Variants in GPC6 observed in about 807,000 individuals in gnomAD.
GPC6 encodes glypican 6, also known as glypican-6.
Under a neutral mutation model 55.2 loss-of-function variants are expected in GPC6, and 14 were observed. The ratio of observed to expected loss-of-function variants is 0.25; its 90% CI spans 0.17 to 0.40. The LOEUF is 0.40. Among genes scored for constraint, GPC6 ranks in the 10% least tolerant of loss-of-function variants. GPC6 has a pLI of 1.00. For synonymous variants in GPC6, 278 were observed against 259.6 expected, an observed-to-expected ratio of 1.07 and a Z score of -0.68; for missense variants, 641 against 708.5, an observed-to-expected ratio of 0.90 and a Z score of 1.08.
At chr13:93,356,178 A>G (rs562150085) in intron 1 of GPC6, among the ~76,000 whole-genome samples, 2 of 152,366 alleles carry the variant, frequency 1.3e-5, no homozygotes, top group East Asian at 3.9e-4. Context: ...TTGCAAGATA[A>G]TAAACGGAGC....
chr13:93,653,231 A>T (rs532545192), intron 2 of GPC6, among the ~76,000 whole-genome samples: 68 of 152,194 alleles, frequency 4.5e-4, no homozygotes, highest in Admixed American at 1.2e-3. Context: ...TCAATATCAT[A>T]TGCAAGTTTC....
At position 94,357,936 on chromosome 13, in the gene GPC6, G is replaced by A. The variant is rs150956300; in HGVS notation, c.1153-24478G>A. Among the ~76,000 whole-genome samples, 8 of 152,230 alleles carry A rather than the reference G, an allele frequency of 5.3e-5. 1 individual carries two copies. The highest frequency in any genetic ancestry group is 1.3e-4 in the Admixed American group (2 of 15,300). On this transcript the variant is annotated intron_variant, in intron 6 of 8. Coordinates refer to ENST00000377047, the MANE Select transcript of GPC6 (RefSeq NM_005708.5). The stretch of plus-strand genomic sequence containing the variant: ...TCTTTGTAGCCCCAATGCCTAATGC[G>A]GTATCTTGCACAGAGAAAACCCTTA...
rs974046657 is a variant in GPC6, at chr13:93,845,775, T to C, written c.711+15230T>C. ...GTATATTCTCACTCATAGGTGGGAA[T>C]TGAACAATGAGATCACGTGGACACA... On this transcript the variant is annotated intron_variant, in intron 3 of 8. Coordinates refer to ENST00000377047, the MANE Select transcript of GPC6 (RefSeq NM_005708.5). Among the ~76,000 whole-genome samples, 52 of 144,998 alleles carry C rather than the reference T, an allele frequency of 3.6e-4. 1 individual carries two copies. The highest frequency in any genetic ancestry group is 4.5e-5 in the Non-Finnish European group (3 of 66,862).
At chr13:93,497,918 G>A (rs1235830762) in intron 1 of GPC6, among the ~76,000 whole-genome samples, 1 of 152,152 alleles carries the variant, frequency 6.6e-6, no homozygotes, top group African/African-American at 2.4e-5. Context: ...TGTATTGGAG[G>A]GTAAAATGCA....
intron 3 of GPC6, among the ~76,000 whole-genome samples, chr13:93,872,878 A>G (rs1387244562): frequency 1.3e-5 from 2 of 152,008 alleles, no homozygotes; most frequent in Non-Finnish European, 2.9e-5. Flanking sequence ...TTTAAAATAC[A>G]GAAAAATTAT....
chr13:93,449,575 C>A (rs569890232), intron 1 of GPC6, among the ~76,000 whole-genome samples: 1 of 152,278 alleles, frequency 6.6e-6, no homozygotes, highest in East Asian at 1.9e-4. Flanking sequence ...CGCACATAAT[C>A]CCAACACTTT....
intron 4 of GPC6, among the ~76,000 whole-genome samples, chr13:94,237,318 C>G (rs754014621): frequency 4.3e-4 from 65 of 152,094 alleles, no homozygotes; most frequent in Non-Finnish European, 7.6e-4. Flanking sequence ...TTTCTTTTCT[C>G]CATCCTTCCC....
chr13:94,074,071 A>G (rs1299012087), intron 4 of GPC6, among the ~76,000 whole-genome samples: 2 of 152,336 alleles, frequency 1.3e-5, no homozygotes, highest in South Asian at 2.1e-4. Flanking sequence ...ACCATAGATT[A>G]GCTGTGCATA....
At chr13:94,251,047 G>A (rs555455218) in intron 4 of GPC6, among the ~76,000 whole-genome samples, 1 of 152,108 alleles carries the variant, frequency 6.6e-6, no homozygotes, top group South Asian at 2.1e-4. Context: ...GCAAAGACAT[G>A]GAACCAACCC....
At chr13:93,611,083 A>G (rs1878442087) in intron 2 of GPC6, among the ~76,000 whole-genome samples, 1 of 152,174 alleles carries the variant, frequency 6.6e-6, no homozygotes, top group Non-Finnish European at 1.5e-5. Flanking sequence ...TGTTTAAAAG[A>G]GTCTAAAATC....
intron 2 of GPC6, among the ~76,000 whole-genome samples, chr13:93,621,537 G>T (rs2139557488): frequency 6.6e-6 from 1 of 152,204 alleles, no homozygotes; most frequent in Middle Eastern, 3.4e-3. Flanking sequence ...GAAGTTCCTG[G>T]GTGGAGGACG....
chr13:93,488,404 A>T (rs1425934845), intron 1 of GPC6, among the ~76,000 whole-genome samples: 7 of 152,158 alleles, frequency 4.6e-5, no homozygotes, highest in Admixed American at 3.9e-4. Context: ...AGTCTTTGCT[A>T]TTGTGAATAG....
At chr13:93,604,898 C>T (rs1189677192) in intron 2 of GPC6, among the ~76,000 whole-genome samples, 1 of 152,140 alleles carries the variant, frequency 6.6e-6, no homozygotes, top group Non-Finnish European at 1.5e-5. Flanking sequence ...TCTTGGAATA[C>T]TGCTGCTGCT....
chr13:93,731,385 T>G (rs1318676644), intron 2 of GPC6, among the ~76,000 whole-genome samples: 1 of 152,044 alleles, frequency 6.6e-6, no homozygotes. Flanking sequence ...GCTTACTGAG[T>G]CTTTTAGCCC....
intron 2 of GPC6, among the ~76,000 whole-genome samples, chr13:93,656,198 A>C (rs932782368): frequency 6.6e-6 from 1 of 152,166 alleles, no homozygotes; most frequent in African/African-American, 2.4e-5. Flanking sequence ...AATAATTGTG[A>C]AGATATACAA....
intron 7 of GPC6, among the ~76,000 whole-genome samples, chr13:94,385,099 G>C (rs941225687): frequency 6.6e-6 from 1 of 152,166 alleles, no homozygotes; most frequent in Non-Finnish European, 1.5e-5. Flanking sequence ...AATTAGCTGG[G>C]TGTGGTGGCA....
intron 1 of GPC6, among the ~76,000 whole-genome samples, chr13:93,330,860 C>A (rs886896296): frequency 1.3e-5 from 2 of 152,088 alleles, no homozygotes; most frequent in African/African-American, 4.8e-5. Flanking sequence ...GATTGACATG[C>A]AAATAAAATT....
At chr13:94,285,356 T>C (rs1892500155) in intron 4 of GPC6, among the ~76,000 whole-genome samples, 1 of 152,118 alleles carries the variant, frequency 6.6e-6, no homozygotes, top group Admixed American at 6.5e-5. Flanking sequence ...GTTTGAAGGC[T>C]TCAGAACCTA....
chr13:93,449,101 A>C (rs1353173932), intron 1 of GPC6, among the ~76,000 whole-genome samples: 1 of 152,254 alleles, frequency 6.6e-6, no homozygotes, highest in African/African-American at 2.4e-5. Context: ...TAGATATAGT[A>C]TAGGCACTTA....
Sources: gnomAD v4.1 joint callset for allele counts (sites outside exome capture counted in the v4.1 genomes callset) on GRCh38, gnomAD v4.1.1 for gene constraint, MANE v1.5 for transcripts, NCBI Gene and HGNC (gene_info 2026-07-23, HGNC 2026-07-21) for gene names.